The following HIVEP3 variants were observed in gnomAD, a reference collection of about 807,000 sequenced individuals.
HIVEP3 encodes the protein transcription factor HIVEP3.
HIVEP3 carries 49 observed loss-of-function variants against 152.8 expected under a neutral mutation model. That is an observed-to-expected ratio of 0.32 (90% CI 0.26 to 0.41). The LOEUF is 0.41. Ranked by LOEUF, HIVEP3 falls within the 10% of genes least tolerant of loss-of-function variation. The pLI is 1.00. For missense variants in HIVEP3, 2,790 were observed against 3,103.3 expected, an observed-to-expected ratio of 0.90 and a Z score of 2.40; for synonymous variants, 1,269 against 1,289.0, an observed-to-expected ratio of 0.98 and a Z score of 0.33.
chr1:41,536,809 A>G (rs2149066190), intron 5 of HIVEP3, among the ~76,000 whole-genome samples: 1 of 152,304 alleles, frequency 6.6e-6, no homozygotes, highest in South Asian at 2.1e-4. Context: ...GCCCTATGTG[A>G]TGGGGCTGTC....
At chr1:41,714,449 G>A (rs948610636) in intron 1 of HIVEP3, among the ~76,000 whole-genome samples, 1 of 152,190 alleles carries the variant, frequency 6.6e-6, no homozygotes, top group Non-Finnish European at 1.5e-5. Context: ...TCTAATGACT[G>A]GATAAAGAAA....
chr1:41,976,864 C>G (rs1334794446), intron 1 of HIVEP3, among the ~76,000 whole-genome samples: 2 of 152,178 alleles, frequency 1.3e-5, no homozygotes, highest in African/African-American at 4.8e-5. Context: ...GAGGGTGGAA[C>G]AGACCACCCC....
At position 41,780,852 on chromosome 1, in the gene HIVEP3, A is replaced by G. The variant is rs150102705; in HGVS notation, c.-800-79857T>C. On this transcript the variant is annotated intron_variant, in intron 1 of 8. Coordinates refer to ENST00000372583, the MANE Select transcript of HIVEP3 (RefSeq NM_024503.5). ...TAGTGCAGGCCTGATTCCTGAGACA[A>G]GAACAGGAATGACCTCCCCAGAGGC... Among the ~76,000 whole-genome samples the G allele has an allele frequency of 4.2e-3, 636 of 152,330 alleles. 4 individuals carry two copies. The highest frequency in any genetic ancestry group is 0.014 in the African/African-American group (599 of 41,562).
Position 41,584,271 on chromosome 1 carries a change from G to C in HIVEP3, c.527C>G (p.Thr176Arg). Residue 176 changes from threonine (T) to arginine (R), a missense_variant, in exon 4 of 9, where the codon ACA becomes AGA. By Grantham distance (71) the Thr-to-Arg change is moderately conservative. Around this residue, in one of 9 missense-constraint regions of HIVEP3, gnomAD observed 209 missense variants for 237.0 expected, o/e 0.88. Coordinates refer to ENST00000372583, the MANE Select transcript of HIVEP3 (RefSeq NM_024503.5). This position sits in a 1 kb window ranked among gnomAD's most constrained non-coding sequence, Gnocchi z 5.2. ...PRPSQVSLKP[T>R]EEAHKKERKP... is the part of the protein sequence containing the mutation. ...CCTCTCCTTCTTGTGTGCCTCTTCT[G>C]TGGGCTTCAAGGAGACCTGGGAAGG... The C allele has an allele frequency of 6.2e-7, 1 of 1,613,660 alleles. No homozygotes were observed. Among genetic ancestry groups the C allele is most frequent in the Non-Finnish European group, 8.5e-7 (1 of 1,179,738 alleles).
intron 3 of HIVEP3, among the ~76,000 whole-genome samples, chr1:41,601,576 T>A (rs1193249356): frequency 6.6e-6 from 1 of 152,184 alleles, no homozygotes. Flanking sequence ...GAAATGCCAC[T>A]GATTTTTGTA....
At chr1:41,956,884 A>T (rs1484224921) in intron 1 of HIVEP3, among the ~76,000 whole-genome samples, 1 of 152,156 alleles carries the variant, frequency 6.6e-6, no homozygotes, top group Non-Finnish European at 1.5e-5. Flanking sequence ...AAATCCTCCA[A>T]ACTCCTTTGT....
chr1:41,567,414 G>C (rs1644180738), intron 5 of HIVEP3, among the ~76,000 whole-genome samples: 1 of 152,204 alleles, frequency 6.6e-6, no homozygotes. Flanking sequence ...AGGATTTGGA[G>C]GTATAAAGAA....
chr1:41,791,074 T>C (rs909185187), intron 1 of HIVEP3, among the ~76,000 whole-genome samples: 2 of 151,072 alleles, frequency 1.3e-5, no homozygotes, highest in African/African-American at 4.9e-5. Flanking sequence ...CCTGTAGTCA[T>C]CCTTAGTTAT....
At chr1:41,591,446 G>A (rs927715027) in intron 3 of HIVEP3, among the ~76,000 whole-genome samples, 7 of 152,228 alleles carry the variant, frequency 4.6e-5, no homozygotes, top group African/African-American at 7.2e-5. Flanking sequence ...ACAGGCAGGC[G>A]ATCAGGTGGT....
chr1:41,712,055 C>A (rs936504518), intron 1 of HIVEP3, among the ~76,000 whole-genome samples: 25 of 152,282 alleles, frequency 1.6e-4, no homozygotes, highest in Middle Eastern at 3.4e-3. Context: ...GGATGATTAC[C>A]CTCTCAGTGT....
At chr1:42,008,000 A>T (rs1645470538) in intron 1 of HIVEP3, among the ~76,000 whole-genome samples, 1 of 152,074 alleles carries the variant, frequency 6.6e-6, no homozygotes, top group Admixed American at 6.5e-5. Context: ...TCCCACGAAG[A>T]CTCACCTATA....
intron 1 of HIVEP3, among the ~76,000 whole-genome samples, chr1:41,938,445 A>G (rs1253627429): frequency 6.6e-6 from 1 of 152,186 alleles, no homozygotes; most frequent in Admixed American, 6.5e-5. Context: ...AGTCCAGGAG[A>G]AGGAGGAAGG....
chr1:41,617,083 C>A (rs922607717), intron 3 of HIVEP3, among the ~76,000 whole-genome samples: 1 of 152,164 alleles, frequency 6.6e-6, no homozygotes, highest in African/African-American at 2.4e-5. Context: ...TACTGCCTTT[C>A]CAAACAGAGA....
chr1:41,993,942 C>T (rs1346630200), intron 1 of HIVEP3, among the ~76,000 whole-genome samples: 1 of 140,102 alleles, frequency 7.1e-6, no homozygotes, highest in Non-Finnish European at 1.5e-5. Flanking sequence ...TAGGTGGGAA[C>T]TGAACAATGA....
rs539173659 is a variant in HIVEP3 at position 41,697,876 on chromosome 1, T to C, written c.-721+3040A>G. 3.9e-5 allele frequency among the ~76,000 whole-genome samples: 6 copies of C among 152,282 alleles called. No homozygotes were observed. In the South Asian group the frequency reaches 1.2e-3, roughly 32 times the overall value. Reference sequence around the variant, plus strand: ...ACATAGTATCAACCCTGTAGGTGCCTCTAGTGCTCAGAGAAAGGCTACCCA... The same window carrying C: ...ACATAGTATCAACCCTGTAGGTGCCCCTAGTGCTCAGAGAAAGGCTACCCA... On this transcript the variant is annotated intron_variant, in intron 2 of 8. Coordinates refer to ENST00000372583, the MANE Select transcript of HIVEP3 (RefSeq NM_024503.5).
At chr1:41,764,190 T>C (rs1570484992) in intron 1 of HIVEP3, among the ~76,000 whole-genome samples, 1 of 150,838 alleles carries the variant, frequency 6.6e-6, no homozygotes, top group Non-Finnish European at 1.5e-5. Context: ...TGAAAAAAAA[T>C]GAGGGGAGCC....
At chr1:41,778,700 G>C (rs1416480800) in intron 1 of HIVEP3, among the ~76,000 whole-genome samples, 1 of 152,174 alleles carries the variant, frequency 6.6e-6, no homozygotes. Context: ...AAAATCCCAG[G>C]GAGTAAAACA....
intron 1 of HIVEP3, among the ~76,000 whole-genome samples, chr1:42,030,571 G>T (rs1331042660): frequency 3.1e-5 from 3 of 97,454 alleles, no homozygotes; most frequent in African/African-American, 6.7e-5. Flanking sequence ...CCACCAAGAA[G>T]AGCTGAGCTC....
At chr1:41,715,728 T>C (rs1290335831) in intron 1 of HIVEP3, among the ~76,000 whole-genome samples, 1 of 152,170 alleles carries the variant, frequency 6.6e-6, no homozygotes, top group African/African-American at 2.4e-5. Flanking sequence ...GGTGCTACCA[T>C]AGGGAAAATG....
Sources: gnomAD v4.1 joint callset for allele counts (sites outside exome capture counted in the v4.1 genomes callset) on GRCh38, gnomAD v4.1.1 for gene constraint, gnomAD v4.1.1 regional missense constraint, Gnocchi (gnomAD v3.1) non-coding constraint, MANE v1.5 for transcripts, NCBI Gene and HGNC (gene_info 2026-07-23, HGNC 2026-07-21) for gene names.